The following UBP1 variants were observed in gnomAD, a reference collection of about 807,000 sequenced individuals.
The protein encoded by UBP1 is upstream-binding protein 1.
UBP1 carries 22 observed loss-of-function variants against 76.1 expected under a neutral mutation model. That is an observed-to-expected ratio of 0.29 (90% confidence interval 0.21 to 0.41). The LOEUF is 0.41. Ranked by LOEUF, UBP1 falls within the 10% of genes least tolerant of loss-of-function variation. The pLI is 1.00. For missense variants in UBP1, 436 were observed against 668.1 expected, an observed-to-expected ratio of 0.65 and a Z score of 3.83; for synonymous variants, 224 against 237.1, an observed-to-expected ratio of 0.94 and a Z score of 0.51.
At chr3:33,412,513 G>A (rs1355673343) in intron 4 of UBP1, among the ~76,000 whole-genome samples, 2 of 151,528 alleles carry the variant, frequency 1.3e-5, no homozygotes, top group Non-Finnish European at 2.9e-5. Context: ...AAGACGGGAG[G>A]TAGAGGTTGC....
Position 33,396,148 on chromosome 3 carries a change from C to A in UBP1, c.1390+14G>T. On this transcript the variant is annotated intron_variant, in intron 13 of 15. Transcript: ENST00000283629. ...TCTCAGAAGTGACAGAATTGAGATG[C>A]CCTCAATACCTACCATAGGGTGCCC... 6.5e-7 allele frequency: 1 copy of A among 1,529,022 alleles called. No individual in the cohort carries two copies. Among genetic ancestry groups the A allele is most frequent in the Non-Finnish European group, 9.0e-7 (1 of 1,117,304 alleles). 94.7% of individuals were successfully genotyped at this position (1,529,022 alleles called of 1,614,324 possible). A position where few individuals can be genotyped will look rare whatever the true frequency, so the allele number is the denominator to read the frequency against.
At chr3:33,395,867 A>G (rs186061314) in intron 13 of UBP1, among the ~76,000 whole-genome samples, 4 of 149,296 alleles carry the variant, frequency 2.7e-5, no homozygotes, top group Non-Finnish European at 5.9e-5. Flanking sequence ...AAAAAAAGCC[A>G]GAACTCAATG....
intron 1 of UBP1, among the ~76,000 whole-genome samples, chr3:33,428,139 G>A (rs558921679): frequency 1.7e-3 from 210 of 124,088 alleles, no homozygotes; most frequent in Admixed American, 2.7e-3. Flanking sequence ...CTGAGATCGT[G>A]ACACTGCACT....
At chr3:33,394,257 A>G (rs981336496) in intron 13 of UBP1, among the ~76,000 whole-genome samples, 13 of 150,982 alleles carry the variant, frequency 8.6e-5, no homozygotes, top group Admixed American at 8.6e-4. Context: ...ATGTTGCCCA[A>G]GCTGTCTCAA....
intron 8 of UBP1, among the ~76,000 whole-genome samples, chr3:33,407,445 C>G (rs919071200): frequency 6.6e-6 from 1 of 151,474 alleles, no homozygotes; most frequent in African/African-American, 2.4e-5. Context: ...ATTGGTGGGT[C>G]TTCAGCTGAG....
intron 8 of UBP1, among the ~76,000 whole-genome samples, chr3:33,408,014 A>G (rs2044472283): frequency 6.6e-6 from 1 of 152,214 alleles, no homozygotes; most frequent in Non-Finnish European, 1.5e-5. Flanking sequence ...CCCTGACTGC[A>G]TATTGGGGGC....
At chr3:33,425,798 G>A in intron 1 of UBP1, 57 bp from the exon 2 acceptor site, 2 of 1,497,160 alleles carry the variant, frequency 1.3e-6, no homozygotes, top group South Asian at 1.3e-5. Flanking sequence ...TTTGTCTACA[G>A]CCATATCATC....
At chr3:33,429,832 C>A (rs766529716) in intron 1 of UBP1, among the ~76,000 whole-genome samples, 1 of 152,170 alleles carries the variant, frequency 6.6e-6, no homozygotes, top group Admixed American at 6.5e-5. Flanking sequence ...GACTGCAAGA[C>A]CCTAGTGTGA....
intron 2 of UBP1, among the ~76,000 whole-genome samples, chr3:33,422,921 T>C (rs2044936697): frequency 6.6e-6 from 1 of 152,226 alleles, no homozygotes; most frequent in Non-Finnish European, 1.5e-5. Context: ...AGATACAGTC[T>C]GTGCAAAGCA....
intron 3 of UBP1, among the ~76,000 whole-genome samples, chr3:33,413,642 TAGGC>T (rs2044653345): frequency 6.6e-6 from 1 of 151,172 alleles, no homozygotes; most frequent in African/African-American, 2.4e-5. Context: ...AAAGTGAACT[TAGGC>T]CAGGTGCGGT....
chr3:33,428,082 T>C (rs2045050194), intron 1 of UBP1, among the ~76,000 whole-genome samples: 1 of 146,696 alleles, frequency 6.8e-6, no homozygotes, highest in African/African-American at 2.5e-5. Context: ...CTTGGAAGGC[T>C]GAGGCAAGAG....
chr3:33,429,723 T>G (rs1035968765), intron 1 of UBP1, among the ~76,000 whole-genome samples: 1 of 152,202 alleles, frequency 6.6e-6, no homozygotes, highest in African/African-American at 2.4e-5. Context: ...TAAAAAAGAC[T>G]TGGAAATCAC....
At chr3:33,420,250 C>G (rs879850750) in intron 2 of UBP1, among the ~76,000 whole-genome samples, 1 of 152,176 alleles carries the variant, frequency 6.6e-6, no homozygotes, top group Admixed American at 6.5e-5. Context: ...GCAAAAAGAA[C>G]TTTCTGAAAT....
At chr3:33,408,236 T>C (rs957327892) in intron 8 of UBP1, among the ~76,000 whole-genome samples, 1 of 152,194 alleles carries the variant, frequency 6.6e-6, no homozygotes, top group Non-Finnish European at 1.5e-5. Flanking sequence ...TCAAGCTTGC[T>C]GCCATCATCT....
At chr3:33,427,103 G>A (rs1438542467) in intron 1 of UBP1, among the ~76,000 whole-genome samples, 1 of 152,214 alleles carries the variant, frequency 6.6e-6, no homozygotes, top group Non-Finnish European at 1.5e-5. Context: ...AAGTAGCTGG[G>A]ATTAGAGGCA....
chr3:33,419,533 C>T (rs543615146), intron 2 of UBP1, among the ~76,000 whole-genome samples: 1 of 150,442 alleles, frequency 6.6e-6, no homozygotes, highest in East Asian at 2.0e-4. Context: ...GAGGCTGAGG[C>T]AGGAGAATCA....
Position 33,425,576 on chromosome 3 carries a change from A to G in UBP1, c.265+14T>C. 6.6e-7 allele frequency: 1 copy of G among 1,506,222 alleles called. No homozygotes were observed. The highest frequency in any genetic ancestry group is 9.0e-7 in the Non-Finnish European group (1 of 1,106,660). 93.3% of individuals were successfully genotyped at this position (1,506,222 alleles called of 1,614,324 possible). A position where few individuals can be genotyped will look rare whatever the true frequency, so the allele number is the denominator to read the frequency against. On this transcript the variant is annotated intron_variant, in intron 2 of 15. Transcript: ENST00000283629. ...TAAATTCTTACATGTCAAATGTGAC[A>G]TAACCACACTAACCTTGGTTCAAAT...
intron 11 of UBP1, 148 bp from the exon 12 acceptor site, chr3:33,397,283 A>G: frequency 1.9e-6 from 1 of 537,698 alleles, no homozygotes; most frequent in Non-Finnish European, 3.1e-6. Context: ...AAGAAGACAA[A>G]CAGACACCTG....
At chr3:33,425,871 T>TA in intron 1 of UBP1, 130 bp from the exon 2 acceptor site, 1 of 697,282 alleles carries the variant, frequency 1.4e-6, no homozygotes, top group East Asian at 3.4e-5. Flanking sequence ...GATAGTTTTT[T>TA]TTTTAAGATC....
Sources: gnomAD v4.1 joint callset for allele counts (sites outside exome capture counted in the v4.1 genomes callset) on GRCh38, gnomAD v4.1.1 for gene constraint, MANE v1.5 for transcripts, NCBI Gene and HGNC (gene_info 2026-07-23, HGNC 2026-07-21) for gene names.